Variants in GGH observed in about 807,000 individuals in gnomAD.
GGH encodes gamma-Glu-X carboxypeptidase.
In GGH, 18 loss-of-function variants were observed where a neutral mutation model predicts 39.2. The ratio of observed to expected loss-of-function variants is 0.46; its 90% CI spans 0.32 to 0.68. GGH has a LOEUF of 0.68. Among genes scored for constraint, GGH ranks in the 30% least tolerant of loss-of-function variants. GGH has a pLI of 0.04. For synonymous variants in GGH, 147 were observed against 138.8 expected (o/e 1.06, Z -0.42); for missense variants, 367 against 384.1 (o/e 0.96, Z 0.37).
chr8:63,020,275 G>A (rs780942756), intron 7 of GGH, among the ~76,000 whole-genome samples: 16 of 152,178 alleles, frequency 1.1e-4, no homozygotes, highest in Non-Finnish European at 2.4e-4. Flanking sequence ...TATTTTGGAG[G>A]TGGGAGAAAA....
In GGH at chr8:63,038,757, C is replaced by G. The variant is rs763479722; in HGVS notation, c.12G>C (p.Pro4=). Residue 4 remains proline (P), a synonymous_variant, in exon 1 of 9, where the codon CCG becomes CCC. Transcript: ENST00000260118. MAS[P]GCLLCVLGLL... ...GGCCCAGCACGCACAGCAGGCAGCC[C>G]GGACTGGCCATGGCGCTCGCCGCCT... 1 of 1,562,954 alleles carries G rather than the reference C, an allele frequency of 6.4e-7. No individual in the cohort carries two copies. The highest frequency in any genetic ancestry group is 1.8e-5 in the Admixed American group (1 of 55,428).
chr8:63,023,889 CAT>C lies in GGH; in HGVS notation c.697+16_697+17del. ...TATAAAATAAGTGAAATAAAGTATACATGTTATAGTGATATACCTTCCATTGT... is the reference window on the plus strand; with the variant it reads ...TATAAAATAAGTGAAATAAAGTATACGTTATAGTGATATACCTTCCATTGT... On this transcript the variant is annotated intron_variant, in intron 7 of 8. Transcript: ENST00000260118. 4.1e-6 allele frequency: 6 copies of C among 1,446,950 alleles called. No homozygotes were observed. The highest frequency in any genetic ancestry group is 5.6e-6 in the Non-Finnish European group (6 of 1,071,136). The allele number at this position is 1,446,950 out of a possible 1,614,324, so 89.6% of individuals were successfully genotyped here. A position where few individuals can be genotyped will look rare whatever the true frequency, so the allele number is the denominator to read the frequency against.
chr8:63,017,695 G>C (rs1249300526), intron 7 of GGH, 65 bp from the exon 8 acceptor site: 1 of 963,748 alleles, frequency 1.0e-6, no homozygotes, highest in African/African-American at 1.7e-5. Flanking sequence ...TAATGAAATT[G>C]GTTTATTTCT....
At position 63,038,664 on chromosome 8, in the gene GGH, G is replaced by A. The variant is rs747177333; in HGVS notation, c.105C>T (p.Ile35=). The A allele has an allele frequency of 2.6e-6, 4 of 1,522,136 alleles. No individual in the cohort carries two copies. In the South Asian group the frequency reaches 4.9e-5, roughly 19 times the overall value. The allele number at this position is 1,522,136 out of a possible 1,614,324, so 94.3% of individuals were successfully genotyped here. Residue 35 remains isoleucine, a synonymous_variant, in exon 1 of 9, where the codon ATC becomes ATT. Coordinates refer to ENST00000260118, the MANE Select transcript of GGH (RefSeq NM_003878.3). ...RPHGDTAKKP[I]IGILMQKCRN... ...GGCCCCGCACAGCCTCCTTACCGAT[G>A]ATGGGCTTCTTGGCGGTGTCGCCGT... is the stretch of plus-strand genomic sequence containing the variant.
chr8:63,029,388 A>G (rs768526661), intron 3 of GGH, among the ~76,000 whole-genome samples: 6 of 152,178 alleles, frequency 3.9e-5, no homozygotes, highest in Non-Finnish European at 7.3e-5. Context: ...ATTCCTGCAT[A>G]GTATTCTATT....
At chr8:63,023,347 G>C (rs1804627628) in intron 7 of GGH, among the ~76,000 whole-genome samples, 1 of 152,108 alleles carries the variant, frequency 6.6e-6, no homozygotes, top group African/African-American at 2.4e-5. Flanking sequence ...CATTCTGTAG[G>C]GGGGATTTTA....
rs759411538 is a variant in GGH at position 63,024,085 on chromosome 8, C to T, written c.601G>A (p.Val201Met). The change falls in exon 6 of 9, where the codon GTG becomes ATG. Residue 201 changes from valine (V) to methionine (M), a missense_variant. Transcript: ENST00000260118. ...TTGTGTAATTAGTGTGATACCTTCA[C>T]GGAGAGGCTCCACTTATGGAAATTG... ...TANFHKWSLS[V>M]KNFTMNEKLK... 1.6e-4 allele frequency: 258 copies of T among 1,588,720 alleles called. No individual in the cohort carries two copies. Among genetic ancestry groups the T allele is most frequent in the Non-Finnish European group, 2.1e-4 (241 of 1,157,526 alleles).
At chr8:63,037,416 C>T (rs1015414490) in intron 1 of GGH, among the ~76,000 whole-genome samples, 12 of 152,240 alleles carry the variant, frequency 7.9e-5, no homozygotes, top group East Asian at 3.9e-4. Flanking sequence ...CTCCCCTTCC[C>T]CTGGGCCCAC....
chr8:63,037,557 T>C (rs966562973), intron 1 of GGH, among the ~76,000 whole-genome samples: 2 of 152,190 alleles, frequency 1.3e-5, no homozygotes, highest in East Asian at 3.9e-4. Flanking sequence ...TTTCAATCCT[T>C]TGCACTTCCC....
At chr8:63,032,211 A>G (rs1041975690) in intron 2 of GGH, among the ~76,000 whole-genome samples, 2 of 151,846 alleles carry the variant, frequency 1.3e-5, no homozygotes, top group Admixed American at 1.3e-4. Flanking sequence ...TTTTTTAAAA[A>G]TTTTTTATAG....
intron 7 of GGH, 141 bp downstream of exon 7, chr8:63,023,766 A>T: frequency 2.0e-6 from 1 of 511,076 alleles, no homozygotes; most frequent in Non-Finnish European, 3.2e-6. Context: ...ACATGGACAA[A>T]ACATGTCTCC....
intron 3 of GGH, 73 bp downstream of exon 3, chr8:63,030,094 T>C: frequency 1.4e-6 from 1 of 710,160 alleles, no homozygotes; most frequent in Non-Finnish European, 2.5e-6. Flanking sequence ...ATAATATTTA[T>C]ATGATTTCTT....
Position 63,015,324 on chromosome 8 carries a change from G to C in GGH, c.*8C>G. 1 of 1,350,858 alleles carries C rather than the reference G, an allele frequency of 7.4e-7. No homozygotes were observed. The highest frequency in any genetic ancestry group is 1.0e-6 in the Non-Finnish European group (1 of 969,390). The allele number at this position is 1,350,858 out of a possible 1,614,324, so 83.7% of individuals were successfully genotyped here. A position where few individuals can be genotyped will look rare whatever the true frequency, so the allele number is the denominator to read the frequency against. On this transcript the variant is annotated 3_prime_UTR_variant, in exon 9 of 9. Transcript: ENST00000260118. ...TTCAAATTTGCTCTGTTAACAAATT[G>C]AAGACTTTCAATCAAATATGTAACA...
chr8:63,038,544 G>T, intron 1 of GGH, 116 bp downstream of exon 1: 1 of 507,750 alleles, frequency 2.0e-6, no homozygotes, highest in Non-Finnish European at 3.4e-6. Flanking sequence ...CAAAAGCGAA[G>T]CACATCTGGG....
intron 1 of GGH, among the ~76,000 whole-genome samples, chr8:63,036,785 T>C (rs532795993): frequency 4.6e-5 from 7 of 152,294 alleles, no homozygotes; most frequent in African/African-American, 1.7e-4. Context: ...AAGGAATCCA[T>C]ATTATTAGAG....
At chr8:63,038,591 C>CGGGGGG in intron 1 of GGH, 69 bp downstream of exon 1, 1 of 695,078 alleles carries the variant, frequency 1.4e-6, no homozygotes, top group Non-Finnish European at 2.1e-6. Flanking sequence ...TGGAGCGCGG[C>CGGGGGG]GGCGGGAGGC....
At chr8:63,018,577 G>A (rs929986813) in intron 7 of GGH, among the ~76,000 whole-genome samples, 16 of 152,162 alleles carry the variant, frequency 1.1e-4, no homozygotes, top group African/African-American at 3.9e-4. Context: ...GGGTATTCAC[G>A]AGAGGAAACA....
Position 63,015,232 on chromosome 8 carries a change from A to T in GGH, c.*100T>A. The T allele has an allele frequency of 1.6e-6, 1 of 612,300 alleles. No homozygotes were observed. The highest frequency in any genetic ancestry group is 2.3e-5 in the South Asian group (1 of 44,342). 37.9% of individuals were successfully genotyped at this position (612,300 alleles called of 1,614,324 possible). On this transcript the variant is annotated 3_prime_UTR_variant, in exon 9 of 9. Coordinates refer to ENST00000260118, the MANE Select transcript of GGH (RefSeq NM_003878.3). ...AATCAGAGCCAGGCACATTATAGAA[A>T]AGAATCTGTGACTTCCTAATCTTGC... is the stretch of plus-strand genomic sequence containing the variant.
intron 7 of GGH, among the ~76,000 whole-genome samples, chr8:63,020,538 G>A (rs1563666849): frequency 1.3e-5 from 2 of 152,190 alleles, no homozygotes; most frequent in East Asian, 3.8e-4. Context: ...CAAGGTTGTG[G>A]AGAAGAGGAA....
Sources: gnomAD v4.1 joint callset for allele counts (sites outside exome capture counted in the v4.1 genomes callset) on GRCh38, gnomAD v4.1.1 for gene constraint, MANE v1.5 for transcripts, NCBI Gene and HGNC (gene_info 2026-07-23, HGNC 2026-07-21) for gene names.